CUL1: variants seen among roughly 807,000 people sequenced by gnomAD.
CUL1 encodes cullin 1.
CUL1 carries 24 observed loss-of-function variants against 118.0 expected under a neutral mutation model. That is an observed-to-expected ratio of 0.20 (90% CI 0.15 to 0.29). The LOEUF (loss-of-function observed/expected upper bound fraction) is 0.29, where lower values mean the gene tolerates loss of function less well. Among genes scored for constraint, CUL1 ranks in the 10% least tolerant of loss-of-function variants. The pLI is 1.00. For synonymous variants in CUL1, 332 were observed against 340.4 expected, an observed-to-expected ratio of 0.98 and a Z score of 0.27; for missense variants, 361 against 933.8, an observed-to-expected ratio of 0.39 and a Z score of 7.99.
intron 7 of CUL1, among the ~76,000 whole-genome samples, chr7:148,763,105 C>T (rs1224670320): frequency 6.6e-6 from 1 of 151,996 alleles, no homozygotes; most frequent in Admixed American, 6.6e-5. Context: ...CGAGATCGCG[C>T]CATTGCACTC....
chr7:148,761,783 T>G (rs951323003), intron 7 of CUL1, among the ~76,000 whole-genome samples: 4 of 152,224 alleles, frequency 2.6e-5, no homozygotes, highest in Admixed American at 2.6e-4. Flanking sequence ...GGCTACAGTT[T>G]GCTGACCCTT....
At chr7:148,719,086 C>T (rs1404207740) in intron 1 of CUL1, among the ~76,000 whole-genome samples, 6 of 151,994 alleles carry the variant, frequency 3.9e-5, no homozygotes, top group Non-Finnish European at 8.8e-5. Flanking sequence ...CCGAGGCGGG[C>T]GGATCACGAG....
chr7:148,744,389 G>C (rs1195782185), intron 2 of CUL1, among the ~76,000 whole-genome samples: 3 of 143,024 alleles, frequency 2.1e-5, no homozygotes, highest in Non-Finnish European at 4.5e-5. Context: ...TTTGTTGGTT[G>C]TTTCTGCAGT....
intron 12 of CUL1, 49 bp downstream of exon 12, chr7:148,786,648 A>C: frequency 6.7e-7 from 1 of 1,484,398 alleles, no homozygotes; most frequent in Admixed American, 1.8e-5. Context: ...GTATTTCACA[A>C]GCTGTTTGTA....
At chr7:148,784,431 T>C (rs982147289) in intron 11 of CUL1, among the ~76,000 whole-genome samples, 11 of 152,236 alleles carry the variant, frequency 7.2e-5, no homozygotes, top group Non-Finnish European at 1.3e-4. Context: ...AATTTATTTT[T>C]GTTAGATGAG....
intron 1 of CUL1, among the ~76,000 whole-genome samples, chr7:148,725,325 T>C (rs898635007): frequency 2.0e-5 from 3 of 152,024 alleles, no homozygotes; most frequent in Non-Finnish European, 2.9e-5. Flanking sequence ...GATACACAGG[T>C]GACACACCCA....
intron 14 of CUL1, 100 bp downstream of exon 14, chr7:148,788,774 C>T: frequency 2.5e-6 from 2 of 793,792 alleles, no homozygotes; most frequent in Non-Finnish European, 4.1e-6. Context: ...GGGGCTTTGT[C>T]AGAAATTCAA....
chr7:148,704,124 A>T (rs1276660816), intron 1 of CUL1, among the ~76,000 whole-genome samples: 1 of 152,064 alleles, frequency 6.6e-6, no homozygotes. Context: ...TTACTGTAAA[A>T]AGAGGGCATG....
In CUL1 at chr7:148,800,913, G is replaced by A. The variant is rs139736775; in HGVS notation, c.*331G>A. 0.01 allele frequency: 2,178 copies of A among 210,998 alleles called. 17 individuals carry two copies. Among genetic ancestry groups the A allele is most frequent in the Non-Finnish European group, 0.014 (1,483 of 105,922 alleles). 13.1% of individuals were successfully genotyped at this position (210,998 alleles called of 1,614,324 possible). On this transcript the variant is annotated 3_prime_UTR_variant, in exon 22 of 22. Coordinates refer to ENST00000325222, the MANE Select transcript of CUL1 (RefSeq NM_003592.3). The surrounding 1 kb of genome is among the most constrained non-coding windows in gnomAD (Gnocchi z 4.6). ...CTGTCGTCTTGGCAGCACTTGTCAC[G>A]TTGGCAGCACTTTGAGAGCAAGTCT...
Position 148,761,426 on chromosome 7 carries a change from G to A in CUL1, c.789+930G>A, listed in dbSNP as rs549059700. 3.9e-5 allele frequency among the ~76,000 whole-genome samples: 6 copies of A among 152,262 alleles called. 1 individual carries two copies. Among genetic ancestry groups the A allele is most frequent in the African/African-American group, 7.2e-5 (3 of 41,560 alleles). ...TTCAGGAGGCTGAAGCAGGAGAATC[G>A]CTTGAACCTGGGAGGCGGAGGTTGC... On this transcript the variant is annotated intron_variant, in intron 7 of 21. Coordinates refer to ENST00000325222, the MANE Select transcript of CUL1 (RefSeq NM_003592.3).
chr7:148,774,676 T>C (rs1421587906), intron 9 of CUL1, among the ~76,000 whole-genome samples: 1 of 152,202 alleles, frequency 6.6e-6, no homozygotes, highest in Non-Finnish European at 1.5e-5. Flanking sequence ...TTTGAAACCA[T>C]ATCTTGATTT....
chr7:148,749,278 G>A (rs531437635), intron 2 of CUL1, among the ~76,000 whole-genome samples: 59 of 151,964 alleles, frequency 3.9e-4, no homozygotes, highest in African/African-American at 1.3e-3. Flanking sequence ...TTAGCTGGGC[G>A]TGGTGATGCA....
intron 2 of CUL1, among the ~76,000 whole-genome samples, chr7:148,740,789 C>CA (rs1799116366): frequency 6.6e-6 from 1 of 152,094 alleles, no homozygotes; most frequent in Non-Finnish European, 1.5e-5. Context: ...GAAGAGACAC[C>CA]AGAGAGCTCT....
chr7:148,707,777 T>C (rs1051297981), intron 1 of CUL1, among the ~76,000 whole-genome samples: 2 of 152,210 alleles, frequency 1.3e-5, no homozygotes, highest in Non-Finnish European at 2.9e-5. Flanking sequence ...TAAAACTTCC[T>C]GGGTTTTAAA....
At chr7:148,699,436 G>T (rs1421216385) in intron 1 of CUL1, among the ~76,000 whole-genome samples, 2 of 152,026 alleles carry the variant, frequency 1.3e-5, no homozygotes, top group Non-Finnish European at 2.9e-5. Context: ...TCCGCGCCTC[G>T]CCTGGTGAGG....
chr7:148,745,389 C>T (rs1799280656), intron 2 of CUL1, among the ~76,000 whole-genome samples: 1 of 152,142 alleles, frequency 6.6e-6, no homozygotes, highest in African/African-American at 2.4e-5. Context: ...TTTCCTGTTT[C>T]TTTTACATCA....
chr7:148,775,812 A>G (rs979423252), intron 9 of CUL1, among the ~76,000 whole-genome samples: 1 of 151,568 alleles, frequency 6.6e-6, no homozygotes. Flanking sequence ...TTTTAAATCT[A>G]TATTCCTGCT....
intron 2 of CUL1, among the ~76,000 whole-genome samples, chr7:148,747,285 C>G (rs1269387227): frequency 6.6e-6 from 1 of 152,128 alleles, no homozygotes; most frequent in Non-Finnish European, 1.5e-5. Flanking sequence ...ACTAAATAAC[C>G]TGAAACATCC....
At chr7:148,728,461 A>T (rs929465316) in intron 1 of CUL1, among the ~76,000 whole-genome samples, 4 of 152,224 alleles carry the variant, frequency 2.6e-5, no homozygotes, top group African/African-American at 7.2e-5. Flanking sequence ...TGATGCTATC[A>T]GATGCACCAC....
Sources: allele counts gnomAD v4.1 joint callset (sites outside exome capture counted in the v4.1 genomes callset), GRCh38; gene constraint gnomAD v4.1.1; non-coding constraint Gnocchi (gnomAD v3.1); transcripts MANE v1.5; gene names NCBI Gene and HGNC (gene_info 2026-07-23, HGNC 2026-07-21).